MARCHF1: variants seen among roughly 807,000 people sequenced by gnomAD.
MARCHF1 encodes the protein membrane associated ring-CH-type finger 1, also known as E3 ubiquitin-protein ligase MARCHF1.
MARCHF1 carries 40 observed loss-of-function variants against 54.2 expected under a neutral mutation model. That is an observed-to-expected ratio of 0.74 (90% CI 0.57 to 0.96). The LOEUF (loss-of-function observed/expected upper bound fraction) is 0.96, where lower values mean the gene tolerates loss of function less well. MARCHF1 is among the 40% of genes least tolerant of loss of function. The pLI, the probability that MARCHF1 is intolerant of heterozygous loss-of-function variation, is 0.00. For missense variants in MARCHF1, 586 were observed against 656.5 expected, an observed-to-expected ratio of 0.89 and a Z score of 1.17; for synonymous variants, 236 against 236.3, an observed-to-expected ratio of 1.00 and a Z score of 0.01.
chr4:164,296,769 T>C (rs538183778), intron 1 of MARCHF1, among the ~76,000 whole-genome samples: 1 of 152,310 alleles, frequency 6.6e-6, no homozygotes, highest in Non-Finnish European at 1.5e-5. Context: ...ACTTGTAATA[T>C]GGTTTCTAGA....
In MARCHF1 at chr4:164,289,556, G is replaced by A. The variant is rs1319214499; in HGVS notation, c.-323+94314C>T. On this transcript the variant is annotated intron_variant, in intron 1 of 9. Coordinates refer to ENST00000514618, the MANE Select transcript of MARCHF1 (RefSeq NM_001394959.1). ...AGGTGAGTTGTCACAGCAGGTAGGA[G>A]TGAATGAGCTGCTAGAAATACTTAG... is the stretch of plus-strand genomic sequence containing the variant. Among the ~76,000 whole-genome samples the A allele has an allele frequency of 8.8e-5, 13 of 147,486 alleles. No individual in the cohort carries two copies. In the East Asian group the frequency reaches 2.3e-3, roughly 26 times the overall value.
intron 3 of MARCHF1, among the ~76,000 whole-genome samples, chr4:163,902,143 T>G (rs1350591643): frequency 6.6e-6 from 1 of 152,156 alleles, no homozygotes; most frequent in African/African-American, 2.4e-5. Flanking sequence ...CTTGACAATA[T>G]TCTACAATAA....
intron 2 of MARCHF1, among the ~76,000 whole-genome samples, chr4:164,038,084 G>A (rs76729464): frequency 0.048 from 7,371 of 152,184 alleles, 245 homozygotes; most frequent in Middle Eastern, 0.085. Context: ...CAATATCTTG[G>A]TTGTGATGTG....
At chr4:163,880,352 ATTC>A (rs1362882863) in intron 3 of MARCHF1, among the ~76,000 whole-genome samples, 1 of 151,260 alleles carries the variant, frequency 6.6e-6, no homozygotes, top group Non-Finnish European at 1.5e-5. Context: ...AAATTTTGAT[ATTC>A]AAGTATAATT....
intron 1 of MARCHF1, among the ~76,000 whole-genome samples, chr4:164,206,897 C>T (rs1317943054): frequency 2.0e-5 from 3 of 151,550 alleles, no homozygotes; most frequent in South Asian, 2.1e-4. Flanking sequence ...TAGAGAAAAA[C>T]CAAGTTTTAA....
At chr4:163,613,106 A>T in intron 6 of MARCHF1, 68 bp from the exon 7 acceptor site, 1 of 1,383,488 alleles carries the variant, frequency 7.2e-7, no homozygotes, top group Non-Finnish European at 9.5e-7. Flanking sequence ...AAACAGAGAG[A>T]GAGAATGATG....
rs552033107 is a variant in MARCHF1, at chr4:164,109,198, T to A, written c.-248+2390A>T. On this transcript the variant is annotated intron_variant, in intron 2 of 9. Transcript: ENST00000514618. Reference sequence around the variant, plus strand: ...TATTTACAGAATGTAAAATAGTAACTAATTTATGATCATATAATCCTAGGT... The same window carrying A: ...TATTTACAGAATGTAAAATAGTAACAAATTTATGATCATATAATCCTAGGT... Among the ~76,000 whole-genome samples the A allele has an allele frequency of 2.3e-3, 356 of 152,194 alleles. 2 individuals carry two copies. Among genetic ancestry groups the A allele is most frequent in the African/African-American group, 8.1e-3 (337 of 41,562 alleles).
chr4:164,045,224 T>C (rs1159901902), intron 2 of MARCHF1, among the ~76,000 whole-genome samples: 1 of 151,924 alleles, frequency 6.6e-6, no homozygotes, highest in Non-Finnish European at 1.5e-5. Flanking sequence ...TAAATTAACG[T>C]TTTTTGGCCA....
rs1230008581 is a variant in MARCHF1, at chr4:164,115,209, C to T, written c.-322-3547G>A. On this transcript the variant is annotated intron_variant, in intron 1 of 9. Transcript: ENST00000514618. ...TTTCAATTTCTTCAGGGATAAAAAACATAAACCATTACTTAAGAATGAGCA... is the reference window on the plus strand; with the variant it reads ...TTTCAATTTCTTCAGGGATAAAAAATATAAACCATTACTTAAGAATGAGCA... Among the ~76,000 whole-genome samples, 5 of 151,988 alleles carry T rather than the reference C, an allele frequency of 3.3e-5. No homozygotes were observed. In the East Asian group the frequency reaches 9.6e-4, roughly 29 times the overall value.
chr4:164,328,505 T>C (rs528803802), intron 1 of MARCHF1, among the ~76,000 whole-genome samples: 306 of 152,266 alleles, frequency 2.0e-3, no homozygotes, highest in African/African-American at 6.4e-3. Context: ...AAGTGGACAG[T>C]TGAATCAGTG....
intron 4 of MARCHF1, among the ~76,000 whole-genome samples, chr4:163,716,229 A>G (rs997361288): frequency 3.7e-5 from 5 of 134,388 alleles, no homozygotes; most frequent in African/African-American, 1.2e-4. Context: ...CAACAACAAC[A>G]ACAACAACAA....
intron 4 of MARCHF1, among the ~76,000 whole-genome samples, chr4:163,745,355 C>T (rs2110752152): frequency 6.6e-6 from 1 of 152,148 alleles, no homozygotes; most frequent in East Asian, 1.9e-4. Flanking sequence ...CCTTGTGATC[C>T]ACCGGCCTCA....
intron 2 of MARCHF1, among the ~76,000 whole-genome samples, chr4:164,039,484 C>A (rs183427050): frequency 6.6e-6 from 1 of 152,240 alleles, no homozygotes; most frequent in Admixed American, 6.5e-5. Context: ...ACCACTGCCA[C>A]AAGGCTCATG....
At chr4:163,815,198 T>A (rs1205318526) in intron 4 of MARCHF1, among the ~76,000 whole-genome samples, 1 of 152,224 alleles carries the variant, frequency 6.6e-6, no homozygotes, top group African/African-American at 2.4e-5. Context: ...TCACAATGAC[T>A]TTTCCATTTA....
At chr4:163,984,647 A>G (rs1318871602) in intron 3 of MARCHF1, among the ~76,000 whole-genome samples, 1 of 152,188 alleles carries the variant, frequency 6.6e-6, no homozygotes, top group East Asian at 1.9e-4. Context: ...GAATTTCCAG[A>G]TCTAGAGTAG....
At position 163,932,766 on chromosome 4, in the gene MARCHF1, G is replaced by A. The variant is rs969674950; in HGVS notation, c.-39+55735C>T. 24 of 572,288 alleles carry A rather than the reference G, an allele frequency of 4.2e-5. No individual in the cohort carries two copies. In the African/African-American group the frequency reaches 4.4e-4, roughly 10 times the overall value. The allele number at this position is 572,288 out of a possible 1,614,324, so 35.5% of individuals were successfully genotyped here. On this transcript the variant is annotated intron_variant, in intron 3 of 9. Transcript: ENST00000514618. ...GTTGCAGCTGATTAAGGACTACCAG[G>A]AGAAAGTGGAGTCTGAGCTGAGATC...
intron 1 of MARCHF1, among the ~76,000 whole-genome samples, chr4:164,117,387 A>G (rs1172569355): frequency 6.6e-6 from 1 of 152,096 alleles, no homozygotes; most frequent in African/African-American, 2.4e-5. Context: ...ATGGAAATAC[A>G]AGTTACCTAG....
chr4:163,536,591 T>C (rs185661070), intron 9 of MARCHF1, among the ~76,000 whole-genome samples: 11 of 152,302 alleles, frequency 7.2e-5, no homozygotes, highest in African/African-American at 2.6e-4. Context: ...CATAGTTCCT[T>C]GCTCAGTAGG....
chr4:163,784,559 A>G (rs1021107953), intron 4 of MARCHF1, among the ~76,000 whole-genome samples: 2 of 152,164 alleles, frequency 1.3e-5, no homozygotes, highest in Non-Finnish European at 2.9e-5. Context: ...CAATTTATCC[A>G]AGTCAGAGAC....
Sources: gnomAD v4.1 joint callset for allele counts (sites outside exome capture counted in the v4.1 genomes callset) on GRCh38, gnomAD v4.1.1 for gene constraint, MANE v1.5 for transcripts, NCBI Gene and HGNC (gene_info 2026-07-23, HGNC 2026-07-21) for gene names.